Variants in HERC2 observed in about 807,000 individuals in gnomAD.
The protein encoded by HERC2 is HECT and RLD domain containing E3 ubiquitin protein ligase 2.
HERC2 carries 102 observed loss-of-function variants against 537.7 expected under a neutral mutation model. The ratio of observed to expected loss-of-function variants is 0.19; its 90% CI spans 0.16 to 0.22. HERC2 has a LOEUF of 0.22. HERC2 is among the 10% of genes least tolerant of loss of function. HERC2 has a pLI of 1.00. For missense variants in HERC2, 4,236 were observed against 6,198.2 expected, an observed-to-expected ratio of 0.68 and a Z score of 10.63; for synonymous variants, 2,224 against 2,466.2, an observed-to-expected ratio of 0.90 and a Z score of 2.91.
At chr15:28,275,777 C>T (rs143456847) in intron 5 of HERC2, among the ~76,000 whole-genome samples, 93 of 151,056 alleles carry the variant, frequency 6.2e-4, no homozygotes, top group African/African-American at 2.2e-3. Flanking sequence ...AGCAAGACTC[C>T]ATCTCAAAAA....
At chr15:28,116,569 A>T in intron 88 of HERC2, 96 bp downstream of exon 88, 1 of 1,211,384 alleles carries the variant, frequency 8.3e-7, no homozygotes, top group Non-Finnish European at 1.2e-6. Context: ...CAGATATTCA[A>T]GATATCTACT....
chr15:28,245,563 AT>A (rs2140790877), intron 23 of HERC2, among the ~76,000 whole-genome samples: 2 of 85,160 alleles, frequency 2.3e-5, no homozygotes, highest in East Asian at 7.1e-4. Flanking sequence ...AAAAAAAAAT[AT>A]ATACACACAC....
At chr15:28,280,363 T>C (rs2141050847) in intron 4 of HERC2, 76 bp from the exon 5 acceptor site, 1 of 1,215,906 alleles carries the variant, frequency 8.2e-7, no homozygotes, top group African/African-American at 1.5e-5. Flanking sequence ...AGAAAATGGA[T>C]GATGACGACA....
chr15:28,135,948 C>G (rs1890591936), intron 78 of HERC2, among the ~76,000 whole-genome samples: 1 of 152,070 alleles, frequency 6.6e-6, no homozygotes, highest in Admixed American at 6.5e-5. Flanking sequence ...TTGCTGGAAG[C>G]TCTTCCATTT....
chr15:28,167,737 C>A lies in HERC2; in HGVS notation c.10504G>T (p.Asp3502Tyr). The change falls in exon 68 of 93, where the codon GAC becomes TAC. Residue 3502 changes from aspartate to tyrosine, a missense_variant. By Grantham distance (160) the Asp-to-Tyr change is radical. Around this residue, in one of 27 missense-constraint regions of HERC2, gnomAD observed 356 missense variants for 450.9 expected, o/e 0.79. Coordinates refer to ENST00000261609, the MANE Select transcript of HERC2 (RefSeq NM_004667.6). The stretch of plus-strand genomic sequence containing the variant: ...GCAATGATGCTTGCGGCTCCCAGGT[C>A]ATCCGTCACTGGGATAAAAGGCCGA... ...SARPFIPVTDDLGAASIIAET... is the reference protein window; with the variant it reads ...SARPFIPVTDYLGAASIIAET... The A allele has an allele frequency of 6.2e-7, 1 of 1,614,176 alleles. No individual in the cohort carries two copies. The highest frequency in any genetic ancestry group is 8.5e-7 in the Non-Finnish European group (1 of 1,180,024).
intron 69 of HERC2, among the ~76,000 whole-genome samples, chr15:28,157,113 G>A (rs2142384377): frequency 6.6e-6 from 1 of 152,270 alleles, no homozygotes; most frequent in South Asian, 2.1e-4. Flanking sequence ...TGATCATGGT[G>A]GATAAGCTTT....
Position 28,202,129 on chromosome 15 carries a change from T to C in HERC2, c.7601A>G (p.Asp2534Gly). The stretch of plus-strand genomic sequence containing the variant: ...GGCACTGACCATGGAGTAGGCGGCA[T>C]CATCCACGTCCTCCACCACCTCCTC... Reference protein sequence around the residue: ...SDEEVVEDVDDAAYSMSTGAV... With the variant: ...SDEEVVEDVDGAAYSMSTGAV... The change falls in exon 47 of 93, where the codon GAT (aspartate) becomes GGT (glycine). Residue 2534 changes from aspartate (D) to glycine (G), a missense_variant. Physicochemically the swap from Asp to Gly is moderately conservative, Grantham distance 94. This residue lies in a region of HERC2 where 606 missense variants were observed against 884.5 expected (regional missense o/e 0.69). Transcript: ENST00000261609. 6.4e-7 allele frequency: 1 copy of C among 1,553,742 alleles called. No homozygotes were observed. The highest frequency in any genetic ancestry group is 8.8e-7 in the Non-Finnish European group (1 of 1,132,898).
chr15:28,272,064 T>G (rs2075744644), intron 9 of HERC2, 151 bp downstream of exon 9: 1 of 677,326 alleles, frequency 1.5e-6, no homozygotes, highest in East Asian at 2.9e-5. Flanking sequence ...ACAAGTGACC[T>G]CCCACACCTG....
intron 5 of HERC2, among the ~76,000 whole-genome samples, chr15:28,276,061 C>T (rs2075863218): frequency 1.3e-5 from 2 of 150,278 alleles, no homozygotes; most frequent in Admixed American, 6.7e-5. Context: ...GTGACGGGTG[C>T]CTGTAGTCCC....
At chr15:28,255,347 A>T (rs1426272906) in intron 19 of HERC2, among the ~76,000 whole-genome samples, 1 of 152,168 alleles carries the variant, frequency 6.6e-6, no homozygotes, top group Admixed American at 6.5e-5. Flanking sequence ...AAAAAAGAAA[A>T]CAAAAACCAA....
intron 4 of HERC2, among the ~76,000 whole-genome samples, chr15:28,286,734 A>G (rs2076167877): frequency 6.6e-6 from 1 of 152,238 alleles, no homozygotes; most frequent in African/African-American, 2.4e-5. Context: ...TTAGATAGTT[A>G]CTAAGAGTTT....
Position 28,163,127 on chromosome 15 carries a change from C to T in HERC2, c.10713G>A (p.Ala3571=), listed in dbSNP as rs142209264. 178 of 1,611,836 alleles carry T rather than the reference C, an allele frequency of 1.1e-4. 2 individuals are homozygous for T. In the African/African-American group the frequency reaches 2.0e-3, roughly 18 times the overall value. Residue 3571 remains alanine (A), a synonymous_variant, in exon 69 of 93, where the codon GCG becomes GCA. Coordinates refer to ENST00000261609, the MANE Select transcript of HERC2 (RefSeq NM_004667.6). ...AGDRGRDVLS[A]VLSGMGTAYP... is the part of the protein sequence containing the mutation. Reference sequence around the variant, plus strand: ...AGGCGGTCCCCATGCCGGAAAGCACCGCGGAGAGCACATCCCTGCCCCTGT... The same window carrying T: ...AGGCGGTCCCCATGCCGGAAAGCACTGCGGAGAGCACATCCCTGCCCCTGT...
intron 20 of HERC2, 126 bp downstream of exon 20, chr15:28,254,214 C>T (rs2075179168): frequency 4.9e-6 from 3 of 613,732 alleles, no homozygotes; most frequent in Non-Finnish European, 8.2e-6. Context: ...ACCTGGGAGG[C>T]GGAGCTTGCA....
chr15:28,197,853 C>T (rs1218862441), intron 50 of HERC2, among the ~76,000 whole-genome samples: 1 of 152,216 alleles, frequency 6.6e-6, no homozygotes, highest in African/African-American at 2.4e-5. Context: ...GGTAAGGCCA[C>T]TCTGTGACTG....
chr15:28,163,212 G>A lies in HERC2; in HGVS notation c.10628C>T (p.Ala3543Val), dbSNP rs774101960. 57 of 1,613,710 alleles carry A rather than the reference G, an allele frequency of 3.5e-5. No homozygotes were observed. The highest frequency in any genetic ancestry group is 5.3e-5 in the African/African-American group (4 of 74,930). Residue 3543 changes from alanine to valine, a missense_variant, in exon 69 of 93, where the codon GCG becomes GTG. Physicochemically the swap from Ala to Val is moderately conservative, Grantham distance 64. This residue lies in a region of HERC2 where 356 missense variants were observed against 450.9 expected (regional missense o/e 0.79). Transcript: ENST00000261609. The part of the protein sequence containing the change: ...ALDEFTSLLI[A>V]DDTRVVVDLL... ...GTCTACCACCACACGAGTGTCATCC[G>A]CAATCAGCAGACTGGTGAACTCATC...
intron 43 of HERC2, among the ~76,000 whole-genome samples, chr15:28,211,875 G>T (rs1365816466): frequency 6.6e-6 from 1 of 152,166 alleles, no homozygotes; most frequent in Non-Finnish European, 1.5e-5. Flanking sequence ...GGCAGAATAC[G>T]CCATAGTTAC....
chr15:28,143,550 G>A (rs938008737), intron 74 of HERC2, among the ~76,000 whole-genome samples: 2 of 152,010 alleles, frequency 1.3e-5, no homozygotes, highest in African/African-American at 2.4e-5. Context: ...AGGTTCAAGC[G>A]ATTCTCCTGC....
Position 28,186,619 on chromosome 15 carries a change from G to A in HERC2, c.8783C>T (p.Ser2928Leu). 2.5e-6 allele frequency: 4 copies of A among 1,613,940 alleles called. No homozygotes were observed. Among genetic ancestry groups the A allele is most frequent in the Non-Finnish European group, 2.5e-6 (3 of 1,179,954 alleles). Residue 2928 changes from serine to leucine, a missense_variant, in exon 56 of 93, where the codon TCG (serine) becomes TTG (leucine). Physicochemically the swap from Ser to Leu is moderately radical, Grantham distance 145. This residue lies in a region of HERC2 where 606 missense variants were observed against 884.5 expected (regional missense o/e 0.69). Transcript: ENST00000261609. ...CTCATCCTCCTCCTCTTCATTATCCGAAGCTAAGAAAGGAACTGCAGCCAA... is the reference window on the plus strand; with the variant it reads ...CTCATCCTCCTCCTCTTCATTATCCAAAGCTAAGAAAGGAACTGCAGCCAA... ...EDLAAVPFLA[S>L]DNEEEEDEKG...
At chr15:28,307,906 GTC>G (rs1329947143) in intron 2 of HERC2, among the ~76,000 whole-genome samples, 1 of 152,098 alleles carries the variant, frequency 6.6e-6, no homozygotes, top group African/African-American at 2.4e-5. Context: ...TGTTCCGTTG[GTC>G]TGTGTCTGTT....
Sources: gnomAD v4.1 joint callset for allele counts (sites outside exome capture counted in the v4.1 genomes callset) on GRCh38, gnomAD v4.1.1 for gene constraint, gnomAD v4.1.1 regional missense constraint, MANE v1.5 for transcripts, NCBI Gene and HGNC (gene_info 2026-07-23, HGNC 2026-07-21) for gene names.